The following COL2A1 variants were observed in gnomAD, a reference collection of about 807,000 sequenced individuals.
The protein encoded by COL2A1 is collagen alpha-1(II) chain.
In COL2A1, 28 loss-of-function variants were observed where a neutral mutation model predicts 204.5. The ratio of observed to expected loss-of-function variants is 0.14; its 90% CI spans 0.10 to 0.19. The LOEUF (loss-of-function observed/expected upper bound fraction) is 0.19. COL2A1 is among the 10% of genes least tolerant of loss of function. The probability of loss-of-function intolerance (pLI) is 1.00; values close to 1 mark genes in which losing one functional copy is unlikely to be tolerated. For synonymous variants in COL2A1, 708 were observed against 718.7 expected, an observed-to-expected ratio of 0.99 and a Z score of 0.24; for missense variants, 1,388 against 2,027.5, an observed-to-expected ratio of 0.68 and a Z score of 6.06.
Position 47,977,315 on chromosome 12 carries a change from C to T in COL2A1, c.3273+5G>A, listed in dbSNP as rs371198762. The T allele has an allele frequency of 4.3e-6, 7 of 1,612,228 alleles. No individual in the cohort carries two copies. Among genetic ancestry groups the T allele is most frequent in the Non-Finnish European group, 5.9e-6 (7 of 1,178,256 alleles). ...GGCGGCTTTTACTGAATTCAGGATACTTACAGCTTCTCCTCTGTCTCCTTG... is the reference window on the plus strand; with the variant it reads ...GGCGGCTTTTACTGAATTCAGGATATTTACAGCTTCTCCTCTGTCTCCTTG... On this transcript the variant is annotated splice_donor_5th_base_variant and intron_variant, in intron 46 of 53. Transcript: ENST00000380518.
At position 47,978,074 on chromosome 12, in the gene COL2A1, C is replaced by A. The variant is rs146046296; in HGVS notation, c.3047G>T (p.Arg1016Ile). Residue 1016 changes from arginine to isoleucine, a missense_variant, in exon 44 of 54, where the codon AGA (arginine) becomes ATA (isoleucine). Arg to Ile is a moderately conservative substitution (Grantham distance 97, BLOSUM62 -3). Transcript: ENST00000380518. The surrounding 1 kb of genome is among the most constrained non-coding windows in gnomAD (Gnocchi z 5.5). ...KQGAPGASGDRGPPGPVGPPG... is the reference protein window; with the variant it reads ...KQGAPGASGDIGPPGPVGPPG... ...AGGACCCACGGGGCCAGGAGGACCT[C>A]TGTCTCCAGATGCTCCAGGAGCACC... 1 of 1,613,866 alleles carries A rather than the reference C, an allele frequency of 6.2e-7. No individual in the cohort carries two copies.
At chr12:47,975,664 T>A in intron 50 of COL2A1, 59 bp from the exon 51 acceptor site, 1 of 1,558,564 alleles carries the variant, frequency 6.4e-7, no homozygotes, top group South Asian at 1.1e-5. Context: ...TCCATGTCCA[T>A]CCCCATTTGC....
rs369696920 is a variant in COL2A1 at position 47,973,449 on chromosome 12, C to T, written c.4422G>A (p.Glu1474=). The T allele has an allele frequency of 2.0e-5, 33 of 1,614,006 alleles. No individual in the cohort carries two copies. The African/African-American group carries it at 3.1e-4, about 15-fold the overall frequency. ...GCCCTATGTCCACACCGAATTCCTG[C>T]TCGGGCCCTCCTATGTCCATGGGTG... The part of the protein sequence containing the change: ...DIAPMDIGGP[E]QEFGVDIGPV... The change falls in exon 54 of 54, where the codon GAG becomes GAA. Residue 1474 remains glutamate (E), a synonymous_variant. Transcript: ENST00000380518.
At chr12:47,988,963 G>A (rs754439824) in intron 18 of COL2A1, among the ~76,000 whole-genome samples, 22 of 152,186 alleles carry the variant, frequency 1.4e-4, no homozygotes, top group Admixed American at 5.9e-4. Context: ...GTGTATCCCC[G>A]TCTTCTTCTC....
In COL2A1 at chr12:47,980,716, T is replaced by C; in HGVS notation, c.2518-55A>G. 3 of 1,548,344 alleles carry C rather than the reference T, an allele frequency of 1.9e-6. No homozygotes were observed. The highest frequency in any genetic ancestry group is 1.2e-5 in the South Asian group (1 of 85,670). On this transcript the variant is annotated intron_variant, in intron 38 of 53. Transcript: ENST00000380518. The surrounding 1 kb of genome is among the most constrained non-coding windows in gnomAD (Gnocchi z 4.5). ...GAGGGGCAGGCTAAAACCCTGGAGCTCTTCCAGAAGAGCAGGAGACTCTGT... is the reference window on the plus strand; with the variant it reads ...GAGGGGCAGGCTAAAACCCTGGAGCCCTTCCAGAAGAGCAGGAGACTCTGT...
At position 47,977,331 on chromosome 12, in the gene COL2A1, T is replaced by C. The variant is rs2136521102; in HGVS notation, c.3262A>G (p.Arg1088Gly). The change falls in exon 46 of 54, where the codon AGA (arginine) becomes GGA (glycine). Residue 1088 changes from arginine to glycine, a missense_variant. Coordinates refer to ENST00000380518, the MANE Select transcript of COL2A1 (RefSeq NM_001844.5). ...PAGPTGKQGD[R>G]GEAGAQGPMG... ...TTCAGGATACTTACAGCTTCTCCTC[T>C]GTCTCCTTGCTTGCCAGTTGGACCA... is the stretch of plus-strand genomic sequence containing the variant. 2 of 1,613,252 alleles carry C rather than the reference T, an allele frequency of 1.2e-6. No individual in the cohort carries two copies. Among genetic ancestry groups the C allele is most frequent in the Admixed American group, 1.7e-5 (1 of 60,024 alleles).
At chr12:47,985,180 C>T in intron 26 of COL2A1, 87 bp from the exon 27 acceptor site, 1 of 1,075,756 alleles carries the variant, frequency 9.3e-7, no homozygotes, top group Non-Finnish European at 1.4e-6. Context: ...CATGGCAGGC[C>T]CAGGACTAGG....
rs147202936 is a variant in COL2A1 at position 47,989,761 on chromosome 12, C to T, written c.1068G>A (p.Pro356=). 1.4e-4 allele frequency: 229 copies of T among 1,613,392 alleles called. 1 individual carries two copies. The African/African-American group carries it at 2.5e-3, about 18-fold the overall frequency. The change falls in exon 17 of 54, where the codon CCG becomes CCA. Residue 356 remains proline (P), a splice_region_variant and synonymous_variant. Transcript: ENST00000380518. ...CCTGCTGAGGATGAAATGAACTTAC[C>T]GGAGGCCCTGCGGGGCCTGGCTGAC... ...NDGQPGPAGP[P]GPVGPAGGPG...
Position 47,983,138 on chromosome 12 carries a change from C to A in COL2A1, c.2050-1G>T, listed in dbSNP as rs2136552988. 1 of 1,613,524 alleles carries A rather than the reference C, an allele frequency of 6.2e-7. No individual in the cohort carries two copies. On this transcript the variant is annotated splice_acceptor_variant, in intron 31 of 53. Transcript: ENST00000380518. LOFTEE classifies it high-confidence loss of function. ...GGGCTCCAGCTTCACCGGGAACACC[C>A]TGGAGAACAAAGAAAGATGTGTGAG...
intron 1 of COL2A1, among the ~76,000 whole-genome samples, chr12:48,001,663 A>G (rs935458188): frequency 3.6e-4 from 55 of 152,136 alleles, no homozygotes; most frequent in Admixed American, 2.0e-3. Flanking sequence ...CGCTGGGTGT[A>G]AGAGCCGCTG....
chr12:47,981,230 G>A, intron 37 of COL2A1, 113 bp downstream of exon 37: 2 of 1,222,672 alleles, frequency 1.6e-6, no homozygotes, highest in Non-Finnish European at 1.2e-6. Context: ...GAGGGAGCCA[G>A]TGCCTGGCAG....
chr12:47,981,125 A>C (rs529682724), intron 37 of COL2A1, among the ~76,000 whole-genome samples, 157 bp from the exon 38 acceptor site: 18 of 152,304 alleles, frequency 1.2e-4, no homozygotes, highest in African/African-American at 4.3e-4. Context: ...AGGCTCTGTT[A>C]ACCCAAAAGC....
Position 47,976,118 on chromosome 12 carries a change from G to T in COL2A1, c.3490-48C>A. 1.4e-6 allele frequency: 2 copies of T among 1,408,870 alleles called. No individual in the cohort carries two copies. Among genetic ancestry groups the T allele is most frequent in the Non-Finnish European group, 2.0e-6 (2 of 993,306 alleles). The allele number at this position is 1,408,870 out of a possible 1,614,324, so 87.3% of individuals were successfully genotyped here. A position where few individuals can be genotyped will look rare whatever the true frequency, so the allele number is the denominator to read the frequency against. On this transcript the variant is annotated intron_variant, in intron 49 of 53. Transcript: ENST00000380518. The surrounding 1 kb of genome is among the most constrained non-coding windows in gnomAD (Gnocchi z 4.3). ...GGAAAGAGTGGTCACCACAGGGAAG[G>T]CTGGGGAGTCGCTGGGGCTGGGTAG... is the stretch of plus-strand genomic sequence containing the variant.
At chr12:47,984,931 C>A in intron 27 of COL2A1, 64 bp downstream of exon 27, 1 of 1,384,370 alleles carries the variant, frequency 7.2e-7, no homozygotes, top group South Asian at 1.2e-5. Flanking sequence ...AGCCCTTTCC[C>A]CAAGAGGGCA....
chr12:47,986,246 C>T (rs1487336736), intron 23 of COL2A1, 90 bp downstream of exon 23: 16 of 932,276 alleles, frequency 1.7e-5, no homozygotes, highest in Non-Finnish European at 2.1e-5. Context: ...GGAAAAGTCA[C>T]GAGACTTGAC....
In COL2A1 at chr12:47,995,245, G is replaced by C. The variant is rs1939897565; in HGVS notation, c.762+10C>G. 6.2e-7 allele frequency: 1 copy of C among 1,611,498 alleles called. No individual in the cohort carries two copies. The highest frequency in any genetic ancestry group is 8.5e-7 in the Non-Finnish European group (1 of 1,177,668). ...GGCAGCTCCTCATTTGTCTACTCGT[G>C]TATACTCACATCATCACCAGGCTTT... On this transcript the variant is annotated intron_variant, in intron 11 of 53. Transcript: ENST00000380518.
At position 47,976,434 on chromosome 12, in the gene COL2A1, G is replaced by T; in HGVS notation, c.3489+80C>A. ...TGAGCCCACAGCTTCCCCAGAAGCA[G>T]CAGCATTTCCCTCCCCATGGGAACA... On this transcript the variant is annotated intron_variant, in intron 49 of 53. Coordinates refer to ENST00000380518, the MANE Select transcript of COL2A1 (RefSeq NM_001844.5). This position sits in a 1 kb window ranked among gnomAD's most constrained non-coding sequence, Gnocchi z 4.3. 6.7e-7 allele frequency: 1 copy of T among 1,491,462 alleles called. No individual in the cohort carries two copies. Among genetic ancestry groups the T allele is most frequent in the South Asian group, 1.1e-5 (1 of 88,652 alleles). 92.4% of individuals were successfully genotyped at this position (1,491,462 alleles called of 1,614,324 possible). A position where few individuals can be genotyped will look rare whatever the true frequency, so the allele number is the denominator to read the frequency against.
At chr12:47,993,527 G>T in intron 14 of COL2A1, 25 bp from the exon 15 acceptor site, 1 of 1,610,324 alleles carries the variant, frequency 6.2e-7, no homozygotes, top group Non-Finnish European at 8.5e-7. Context: ...CACAAGGTCA[G>T]TGTCTGGGAC....
intron 30 of COL2A1, 32 bp from the exon 31 acceptor site, chr12:47,983,470 G>A (rs935636089): frequency 1.9e-6 from 3 of 1,608,710 alleles, no homozygotes; most frequent in Non-Finnish European, 2.6e-6. Context: ...GTTAGCAAAG[G>A]AGTGAGTTTG....
Sources: gnomAD v4.1 joint callset for allele counts (sites outside exome capture counted in the v4.1 genomes callset) on GRCh38, gnomAD v4.1.1 for gene constraint, Gnocchi (gnomAD v3.1) non-coding constraint, MANE v1.5 for transcripts, NCBI Gene and HGNC (gene_info 2026-07-23, HGNC 2026-07-21) for gene names.